Variants in EFNA5 observed in about 807,000 individuals in gnomAD.
EFNA5 encodes the protein ephrin A5, also known as ephrin-A5.
EFNA5 carries 5 observed loss-of-function variants against 22.9 expected under a neutral mutation model. The observed-to-expected ratio is 0.22, with a 90% CI of 0.11 to 0.46. EFNA5 has a LOEUF of 0.46. EFNA5 is among the 20% of genes least tolerant of loss of function. The pLI, the probability that EFNA5 is intolerant of heterozygous loss-of-function variation, is 0.99. For missense variants in EFNA5, 237 were observed against 293.3 expected (o/e 0.81, Z 1.40); for synonymous variants, 113 against 112.2 (o/e 1.01, Z -0.04).
intron 1 of EFNA5, among the ~76,000 whole-genome samples, chr5:107,573,233 C>T (rs1748855174): frequency 6.6e-6 from 1 of 151,980 alleles, no homozygotes. Flanking sequence ...ACAGAGAAGG[C>T]AAGGCATCTA....
At chr5:107,469,595 G>A (rs1750084062) in intron 1 of EFNA5, among the ~76,000 whole-genome samples, 1 of 151,856 alleles carries the variant, frequency 6.6e-6, no homozygotes, top group African/African-American at 2.4e-5. Context: ...TTCTTTTCTT[G>A]TTAATGTGTC....
chr5:107,525,386 T>C (rs76021354), intron 1 of EFNA5, among the ~76,000 whole-genome samples: 4,528 of 152,234 alleles, frequency 0.03, 188 homozygotes, highest in African/African-American at 0.099. Flanking sequence ...ATGTAAATGG[T>C]TCAATTTTAG....
intron 1 of EFNA5, among the ~76,000 whole-genome samples, chr5:107,660,019 C>G (rs762146716): frequency 3.3e-5 from 5 of 151,666 alleles, no homozygotes; most frequent in East Asian, 1.9e-4. Context: ...TACCCACCCC[C>G]TCAACACACA....
chr5:107,390,021 T>C lies in EFNA5; in HGVS notation c.419-2250A>G, dbSNP rs372044355. ...GTGATATGTGAGTACACAACACAGA[T>C]TGCATGCCATGGATTCACTCGATCA... On this transcript the variant is annotated intron_variant, in intron 2 of 4. Coordinates refer to ENST00000333274, the MANE Select transcript of EFNA5 (RefSeq NM_001962.3). Among the ~76,000 whole-genome samples the C allele has an allele frequency of 8.5e-5, 13 of 152,286 alleles. No individual in the cohort carries two copies. In the East Asian group the frequency reaches 2.1e-3, roughly 25 times the overall value.
intron 4 of EFNA5, among the ~76,000 whole-genome samples, chr5:107,384,546 G>A (rs1439521297): frequency 6.6e-6 from 1 of 152,078 alleles, no homozygotes. Context: ...CCCAGAGCTG[G>A]GGAAAGGTAA....
chr5:107,472,020 G>A (rs570764067), intron 1 of EFNA5, among the ~76,000 whole-genome samples: 1 of 152,260 alleles, frequency 6.6e-6, no homozygotes, highest in East Asian at 1.9e-4. Context: ...AGTCTGCAGT[G>A]ATATACACAA....
chr5:107,563,324 A>T (rs1214024055), intron 1 of EFNA5, among the ~76,000 whole-genome samples: 1 of 152,186 alleles, frequency 6.6e-6, no homozygotes, highest in Non-Finnish European at 1.5e-5. Context: ...CCTGGGAGTC[A>T]TCTCACCACC....
intron 1 of EFNA5, among the ~76,000 whole-genome samples, chr5:107,650,869 T>C (rs957753419): frequency 1.3e-5 from 2 of 152,190 alleles, no homozygotes; most frequent in African/African-American, 4.8e-5. Context: ...ATACAGATTG[T>C]ACATACACAT....
chr5:107,494,214 A>T (rs1316895012), intron 1 of EFNA5, among the ~76,000 whole-genome samples: 1 of 152,036 alleles, frequency 6.6e-6, no homozygotes, highest in Non-Finnish European at 1.5e-5. Flanking sequence ...CCAAGACCGG[A>T]GCCCGCTCCC....
intron 1 of EFNA5, among the ~76,000 whole-genome samples, chr5:107,440,766 C>T (rs1353604503): frequency 6.6e-6 from 1 of 152,022 alleles, no homozygotes; most frequent in African/African-American, 2.4e-5. Flanking sequence ...TGTTGATGAG[C>T]TGGGTCAAAA....
intron 1 of EFNA5, among the ~76,000 whole-genome samples, chr5:107,514,612 C>T (rs904802255): frequency 9.9e-5 from 15 of 152,096 alleles, no homozygotes; most frequent in Admixed American, 4.6e-4. Flanking sequence ...ACACAAAGGC[C>T]AATGGTAACC....
At chr5:107,570,877 A>G (rs753273903) in intron 1 of EFNA5, among the ~76,000 whole-genome samples, 89 of 152,334 alleles carry the variant, frequency 5.8e-4, no homozygotes, top group Admixed American at 1.3e-3. Context: ...GGACTTGAAA[A>G]CAAACCTGCT....
Position 107,449,135 on chromosome 5 carries a change from T to C in EFNA5, c.126-21626A>G, listed in dbSNP as rs1580458493. Among the ~76,000 whole-genome samples, 3 of 152,222 alleles carry C rather than the reference T, an allele frequency of 2.0e-5. 1 individual carries two copies. The highest frequency in any genetic ancestry group is 2.0e-4 in the Admixed American group (3 of 15,292). On this transcript the variant is annotated intron_variant, in intron 1 of 4. Coordinates refer to ENST00000333274, the MANE Select transcript of EFNA5 (RefSeq NM_001962.3). The stretch of plus-strand genomic sequence containing the variant: ...CATGCAGAAAATAGTCACCACATAT[T>C]TGGTGACTGAATTATTTCAGAAGCC...
chr5:107,484,917 CAAG>C (rs1343552316), intron 1 of EFNA5, among the ~76,000 whole-genome samples: 17 of 138,930 alleles, frequency 1.2e-4, no homozygotes, highest in Non-Finnish European at 2.4e-4. Context: ...CCACAAAAAA[CAAG>C]AAGTAGAAAA....
At chr5:107,665,644 T>C (rs1053267447) in intron 1 of EFNA5, among the ~76,000 whole-genome samples, 1 of 152,214 alleles carries the variant, frequency 6.6e-6, no homozygotes, top group Non-Finnish European at 1.5e-5. Flanking sequence ...CAAATAGCTC[T>C]AATGTTCCTA....
In EFNA5 at chr5:107,410,220, C is replaced by T. The variant is rs554869709; in HGVS notation, c.418+16997G>A. On this transcript the variant is annotated intron_variant, in intron 2 of 4. Transcript: ENST00000333274. ...TTTCTTTTTGTATTTTTAGTAGAGA[C>T]GGGGTTTCACCATGTTAGCCAGGAT... Among the ~76,000 whole-genome samples, 20 of 151,980 alleles carry T rather than the reference C, an allele frequency of 1.3e-4. No individual in the cohort carries two copies. The South Asian group carries it at 3.5e-3, about 27-fold the overall frequency.
At chr5:107,421,891 A>T (rs1332549110) in intron 2 of EFNA5, among the ~76,000 whole-genome samples, 3 of 151,878 alleles carry the variant, frequency 2.0e-5, no homozygotes, top group South Asian at 4.1e-4. Context: ...TCCCAGGTTC[A>T]AGCAATTCTC....
At chr5:107,587,873 C>T (rs1749222854) in intron 1 of EFNA5, among the ~76,000 whole-genome samples, 1 of 152,078 alleles carries the variant, frequency 6.6e-6, no homozygotes, top group Admixed American at 6.6e-5. Context: ...GTCACTACTC[C>T]CTTATATCTA....
intron 1 of EFNA5, among the ~76,000 whole-genome samples, chr5:107,563,944 C>T (rs760309578): frequency 6.6e-6 from 1 of 152,242 alleles, no homozygotes; most frequent in African/African-American, 2.4e-5. Context: ...CTGGTACAAA[C>T]AACTTCTCAG....
Sources: gnomAD v4.1 joint callset for allele counts (sites outside exome capture counted in the v4.1 genomes callset) on GRCh38, gnomAD v4.1.1 for gene constraint, MANE v1.5 for transcripts, NCBI Gene and HGNC (gene_info 2026-07-23, HGNC 2026-07-21) for gene names.